CARS1: variants seen among roughly 807,000 people sequenced by gnomAD.
CARS1 encodes cysteinyl-tRNA synthetase 1.
A neutral mutation model predicts 106.2 loss-of-function variants in CARS1; 48 were observed. The ratio of observed to expected loss-of-function variants is 0.45; its 90% confidence interval spans 0.36 to 0.57. The LOEUF is 0.57. CARS1 is among the 20% of genes least tolerant of loss of function. CARS1 has a pLI of 0.00. For synonymous variants in CARS1, 409 were observed against 403.4 expected, an observed-to-expected ratio of 1.01 and a Z score of -0.17; for missense variants, 968 against 1,057.2, an observed-to-expected ratio of 0.92 and a Z score of 1.17.
intron 1 of CARS1, among the ~76,000 whole-genome samples, chr11:3,056,919 G>C (rs1590600457): frequency 6.6e-6 from 1 of 152,304 alleles, no homozygotes; most frequent in East Asian, 1.9e-4. Flanking sequence ...GCAGCGCCCC[G>C]CTCGGGCTCG....
intron 14 of CARS1, 80 bp downstream of exon 14, chr11:3,018,328 C>G: frequency 1.1e-6 from 1 of 887,086 alleles, no homozygotes; most frequent in Non-Finnish European, 1.8e-6. Context: ...GAGGCTGGTG[C>G]ACCTATCACC....
Position 3,047,790 on chromosome 11 carries a change from G to T in CARS1, c.237C>A (p.Ser79Arg), listed in dbSNP as rs770224125. The T allele has an allele frequency of 1.5e-5, 24 of 1,613,820 alleles. No homozygotes were observed. Among genetic ancestry groups the T allele is most frequent in the Non-Finnish European group, 1.9e-5 (23 of 1,179,868 alleles). ...TGCAGGGCTGGCCTTTGCCACAGGG[G>T]CTACCCAGGAGCGCTTCTATGTGCC... The part of the protein sequence containing the change: ...WFRHIEALLG[S>R]PCGKGQPCRL... Residue 79 changes from serine (S) to arginine (R), a missense_variant, in exon 2 of 23, where the codon AGC becomes AGA. Ser to Arg is a moderately radical substitution (Grantham distance 110). Coordinates refer to ENST00000380525, the MANE Select transcript of CARS1 (RefSeq NM_001014437.3).
At chr11:3,042,720 G>C (rs1371758278) in intron 2 of CARS1, among the ~76,000 whole-genome samples, 1 of 152,184 alleles carries the variant, frequency 6.6e-6, no homozygotes, top group African/African-American at 2.4e-5. Context: ...CACTGACAAG[G>C]TATGGTCTGT....
Position 3,020,391 on chromosome 11 carries a change from C to T in CARS1, c.1154-59G>A, listed in dbSNP as rs563606839. ...CAGCAGCACCCACAGACCCACATGT[C>T]TCACTTCAAGGCCATCCACGGTGCC... On this transcript the variant is annotated intron_variant, in intron 10 of 22. Coordinates refer to ENST00000380525, the MANE Select transcript of CARS1 (RefSeq NM_001014437.3). This position sits in a 1 kb window ranked among gnomAD's most constrained non-coding sequence, Gnocchi z 4.6. The T allele has an allele frequency of 1.5e-4, 156 of 1,048,670 alleles. No homozygotes were observed. In the African/African-American group the frequency reaches 2.2e-3, roughly 15 times the overall value. 65.0% of individuals were successfully genotyped at this position (1,048,670 alleles called of 1,614,324 possible).
At chr11:3,057,287 C>A in intron 1 of CARS1, 56 bp downstream of exon 1, 1 of 1,524,752 alleles carries the variant, frequency 6.6e-7, no homozygotes, top group Admixed American at 1.7e-5. Flanking sequence ...AGCCGAGCAC[C>A]CAGCGCCCAG....
Position 3,044,582 on chromosome 11 carries a change from G to C in CARS1, c.275-2326C>G, listed in dbSNP as rs1215151871. On this transcript the variant is annotated intron_variant, in intron 2 of 22. Transcript: ENST00000380525. This position sits in a 1 kb window ranked among gnomAD's most constrained non-coding sequence, Gnocchi z 4.4. ...CCACCAATTTTTGTATCTTTAGTAG[G>C]GATGGGGTTTCACCATATTGGCCAG... 2.0e-5 allele frequency among the ~76,000 whole-genome samples: 3 copies of C among 152,102 alleles called. No individual in the cohort carries two copies. Among genetic ancestry groups the C allele is most frequent in the Admixed American group, 2.0e-4 (3 of 15,256 alleles).
At chr11:3,032,036 CTCCCTCCCTCCCTCCCTCCCTCCCTCCT>C (rs1400705960) in intron 7 of CARS1, among the ~76,000 whole-genome samples, 418 of 18,536 alleles carry the variant, frequency 0.023, 40 homozygotes, top group East Asian at 0.069. Context: ...CCCTCCCTCC[CTCCCTCCCTCCCTCCCTCCCTCCCTCCT>C]TCCTTCCTTC....
rs1396752742 is a variant in CARS1, at chr11:3,020,492, C to G, written c.1154-160G>C. 6.6e-6 allele frequency among the ~76,000 whole-genome samples: 1 copy of G among 152,180 alleles called. No individual in the cohort carries two copies. Among genetic ancestry groups the G allele is most frequent in the Non-Finnish European group, 1.5e-5 (1 of 68,032 alleles). ...TTTCTTCAAGTTAACTATGTATTAC[C>G]AGATTCTGGTGTTGACCCAGTGTCT... is the stretch of plus-strand genomic sequence containing the variant. On this transcript the variant is annotated intron_variant, in intron 10 of 22. Transcript: ENST00000380525. The surrounding 1 kb of genome is among the most constrained non-coding windows in gnomAD (Gnocchi z 4.6).
rs1189072881 is a variant in CARS1, at chr11:3,039,985, C to T, written c.456-54G>A. The T allele has an allele frequency of 8.8e-6, 8 of 910,258 alleles. No individual in the cohort carries two copies. Among genetic ancestry groups the T allele is most frequent in the Non-Finnish European group, 1.4e-5 (8 of 578,912 alleles). The allele number at this position is 910,258 out of a possible 1,614,324, so 56.4% of individuals were successfully genotyped here. On this transcript the variant is annotated intron_variant, in intron 4 of 22. Coordinates refer to ENST00000380525, the MANE Select transcript of CARS1 (RefSeq NM_001014437.3). The surrounding 1 kb of genome is among the most constrained non-coding windows in gnomAD (Gnocchi z 5.6). ...ACACCAGACGATATGTATAGCTTAACCTCCAACAACACGTGTTTGAACTGC... is the reference window on the plus strand; with the variant it reads ...ACACCAGACGATATGTATAGCTTAATCTCCAACAACACGTGTTTGAACTGC...
Position 3,041,810 on chromosome 11 carries a change from T to G in CARS1, c.366+355A>C, listed in dbSNP as rs966308598. On this transcript the variant is annotated intron_variant, in intron 3 of 22. Transcript: ENST00000380525. The surrounding 1 kb of genome is among the most constrained non-coding windows in gnomAD (Gnocchi z 4.9). ...TGTCCATCCTGCTTGGCTCATACAG[T>G]GCCACCTGCTGCAACCACGCGTCCT... 8.5e-5 allele frequency among the ~76,000 whole-genome samples: 12 copies of G among 140,508 alleles called. No individual in the cohort carries two copies. The highest frequency in any genetic ancestry group is 6.8e-4 in the Admixed American group (10 of 14,794). 92.2% of individuals were successfully genotyped at this position (140,508 alleles called of 152,430 possible). A position where few individuals can be genotyped will look rare whatever the true frequency, so the allele number is the denominator to read the frequency against.
chr11:3,020,383 C>A lies in CARS1; in HGVS notation c.1154-51G>T. ...AGGTCACTCAGCAGCACCCACAGAC[C>A]CACATGTCTCACTTCAAGGCCATCC... On this transcript the variant is annotated intron_variant, in intron 10 of 22. Transcript: ENST00000380525. This position sits in a 1 kb window ranked among gnomAD's most constrained non-coding sequence, Gnocchi z 4.6. 1 of 1,109,058 alleles carries A rather than the reference C, an allele frequency of 9.0e-7. No homozygotes were observed. The highest frequency in any genetic ancestry group is 2.4e-5 in the East Asian group (1 of 42,310). 68.7% of individuals were successfully genotyped at this position (1,109,058 alleles called of 1,614,324 possible).
In CARS1 at chr11:3,040,884, C is replaced by CA; in HGVS notation, c.455+11_455+12insT. ...CTGCAGAAGCTGCAGGGACACCCCG[C>CA]GGTGGACCTACCTGGCGTGCCCCAT... is the stretch of plus-strand genomic sequence containing the variant. On this transcript the variant is annotated intron_variant, in intron 4 of 22. Coordinates refer to ENST00000380525, the MANE Select transcript of CARS1 (RefSeq NM_001014437.3). This position sits in a 1 kb window ranked among gnomAD's most constrained non-coding sequence, Gnocchi z 5.8. The CA allele has an allele frequency of 1.2e-6, 2 of 1,612,972 alleles. No individual in the cohort carries two copies. The highest frequency in any genetic ancestry group is 1.7e-6 in the Non-Finnish European group (2 of 1,179,420).
At chr11:3,026,064 A>G (rs516443) in intron 10 of CARS1, among the ~76,000 whole-genome samples, 50,269 of 152,202 alleles carry the variant, frequency 0.33, 10,173 homozygotes, top group East Asian at 0.63. Context: ...ACTGGAAGAC[A>G]TTCTGTTAAG....
At chr11:3,033,777 T>C (rs1247904896) in intron 7 of CARS1, among the ~76,000 whole-genome samples, 4 of 152,278 alleles carry the variant, frequency 2.6e-5, no homozygotes, top group East Asian at 1.9e-4. Context: ...GGTTCTTAGA[T>C]ACAACATGTA....
chr11:3,023,889 C>A lies in CARS1; in HGVS notation c.1153+2787G>T, dbSNP rs566669605. On this transcript the variant is annotated intron_variant, in intron 10 of 22. Transcript: ENST00000380525. ...GCTTTTTGACTGACTGCTTAGCTCA[C>A]TTATTTCCTTTTTTTTTGTTTGAGA... Among the ~76,000 whole-genome samples, 15 of 152,186 alleles carry A rather than the reference C, an allele frequency of 9.9e-5. No homozygotes were observed. The South Asian group carries it at 3.1e-3, about 32-fold the overall frequency.
intron 22 of CARS1, 143 bp from the exon 23 acceptor site, chr11:3,001,391 C>G (rs1849390384): frequency 1.1e-6 from 1 of 934,852 alleles, no homozygotes; most frequent in African/African-American, 1.6e-5. Flanking sequence ...CACCACACTG[C>G]TCTGGAGCCA....
rs1313631106 is a variant in CARS1, at chr11:3,019,762, C to G, written c.1266+458G>C. 6.6e-6 allele frequency among the ~76,000 whole-genome samples: 1 copy of G among 151,872 alleles called. No homozygotes were observed. Among genetic ancestry groups the G allele is most frequent in the Non-Finnish European group, 1.5e-5 (1 of 67,978 alleles). On this transcript the variant is annotated intron_variant, in intron 11 of 22. Coordinates refer to ENST00000380525, the MANE Select transcript of CARS1 (RefSeq NM_001014437.3). This position sits in a 1 kb window ranked among gnomAD's most constrained non-coding sequence, Gnocchi z 6.2. ...TCTTTGGTGAAGTTCATAAACCGGT[C>G]CTATGTGGGCCGAGGTTTAGGTGAA...
At chr11:3,010,324 G>A (rs891281777) in intron 18 of CARS1, among the ~76,000 whole-genome samples, 10 of 152,228 alleles carry the variant, frequency 6.6e-5, no homozygotes, top group African/African-American at 2.4e-4. Flanking sequence ...GGCCTTCGAT[G>A]TCCCCCAGAA....
chr11:3,049,653 G>A (rs1308585705), intron 1 of CARS1, among the ~76,000 whole-genome samples: 1 of 152,260 alleles, frequency 6.6e-6, no homozygotes, highest in South Asian at 2.1e-4. Flanking sequence ...ACTCAGGGTA[G>A]GAATGCACAT....
Sources: gnomAD v4.1 joint callset for allele counts (sites outside exome capture counted in the v4.1 genomes callset) on GRCh38, gnomAD v4.1.1 for gene constraint, Gnocchi (gnomAD v3.1) non-coding constraint, MANE v1.5 for transcripts, NCBI Gene and HGNC (gene_info 2026-07-23, HGNC 2026-07-21) for gene names.